The following AFF2 variants were observed in gnomAD, a reference collection of about 807,000 sequenced individuals.
AFF2 encodes ALF transcription elongation factor 2.
Under a neutral mutation model 76.9 loss-of-function variants are expected in AFF2, and 14 were observed. The ratio of observed to expected loss-of-function variants is 0.18; its 90% CI spans 0.12 to 0.28. The LOEUF (loss-of-function observed/expected upper bound fraction) is 0.28, where lower values mean the gene tolerates loss of function less well. AFF2 is among the 10% of genes least tolerant of loss of function. The probability of loss-of-function intolerance (pLI) is 1.00; values close to 1 mark genes in which losing one functional copy is unlikely to be tolerated. For missense variants in AFF2, 868 were observed against 1,001.1 expected (o/e 0.87, Z 1.79); for synonymous variants, 398 against 366.7 (o/e 1.09, Z -0.98).
chrX:148,663,062 C>G (rs1557258061), intron 3 of AFF2, among the ~76,000 whole-genome samples: 1 of 112,121 alleles, frequency 8.9e-6, no homozygotes, highest in African/African-American at 3.2e-5. Context: ...TGTGGTAATA[C>G]TATGTATAAA....
chrX:148,908,160 C>T (rs1557281648), intron 9 of AFF2, among the ~76,000 whole-genome samples: 1 of 111,302 alleles, frequency 9.0e-6, no homozygotes, highest in African/African-American at 3.3e-5. Context: ...TTCAAACACA[C>T]ATGCTCTACA....
chrX:148,961,727 A>G (rs782660959), intron 12 of AFF2, among the ~76,000 whole-genome samples: 1 of 112,823 alleles, frequency 8.9e-6, no homozygotes, highest in South Asian at 3.7e-4. Context: ...ACTGACTGAA[A>G]TTGACCAAGA....
intron 1 of AFF2, among the ~76,000 whole-genome samples, chrX:148,511,694 A>T (rs1295530806): frequency 8.9e-6 from 1 of 112,870 alleles, no homozygotes; most frequent in East Asian, 2.8e-4. Context: ...GACAAGAAAG[A>T]TGAGAATCAG....
intron 1 of AFF2, among the ~76,000 whole-genome samples, chrX:148,615,617 C>T (rs1487326830): frequency 9.0e-6 from 1 of 111,444 alleles, no homozygotes; most frequent in African/African-American, 3.3e-5. Flanking sequence ...TTGGCTTTGC[C>T]GCCTGTGAAT....
chrX:148,755,027 T>A (rs1225086868), intron 3 of AFF2, among the ~76,000 whole-genome samples: 2 of 111,890 alleles, frequency 1.8e-5, no homozygotes, highest in African/African-American at 6.5e-5. Flanking sequence ...TCATGTTGAT[T>A]GTAGTGGTGA....
intron 3 of AFF2, among the ~76,000 whole-genome samples, chrX:148,669,780 T>G (rs1245136878): frequency 9.0e-6 from 1 of 111,427 alleles, no homozygotes; most frequent in African/African-American, 3.3e-5. Flanking sequence ...CCAGTTTATT[T>G]TTTTGTGCAT....
intron 12 of AFF2, among the ~76,000 whole-genome samples, chrX:148,962,267 C>G (rs782450654): frequency 1.8e-5 from 2 of 112,562 alleles, no homozygotes; most frequent in South Asian, 7.4e-4. Flanking sequence ...TATTCTTCCA[C>G]TGATTCTTTA....
intron 3 of AFF2, among the ~76,000 whole-genome samples, chrX:148,676,724 A>T (rs2054490489): frequency 8.9e-6 from 1 of 111,808 alleles, no homozygotes; most frequent in Non-Finnish European, 1.9e-5. Context: ...AAGAAGTGGA[A>T]ATATAAGCTT....
intron 19 of AFF2, among the ~76,000 whole-genome samples, chrX:148,981,708 A>G (rs1417028679): frequency 8.9e-6 from 1 of 112,099 alleles, no homozygotes; most frequent in Non-Finnish European, 1.9e-5. Flanking sequence ...TATAACTCCA[A>G]GCTGCTTTTT....
At chrX:148,975,017 C>G (rs1416767199) in intron 16 of AFF2, among the ~76,000 whole-genome samples, 1 of 112,026 alleles carries the variant, frequency 8.9e-6, no homozygotes, top group Non-Finnish European at 1.9e-5. Context: ...CAAATTAAAA[C>G]AAGGCACTTT....
intron 3 of AFF2, among the ~76,000 whole-genome samples, chrX:148,678,084 T>C (rs2054505317): frequency 8.9e-6 from 1 of 112,464 alleles, no homozygotes; most frequent in Non-Finnish European, 1.9e-5. Context: ...ACTTTACTTA[T>C]GCAGTCAGTC....
At chrX:148,888,623 A>G (rs1473108833) in intron 8 of AFF2, among the ~76,000 whole-genome samples, 1 of 111,953 alleles carries the variant, frequency 8.9e-6, no homozygotes, top group East Asian at 2.8e-4. Context: ...CCATGCATAT[A>G]ACATAGTACT....
intron 7 of AFF2, among the ~76,000 whole-genome samples, chrX:148,858,093 G>A (rs1557276073): frequency 1.8e-5 from 2 of 111,277 alleles, no homozygotes; most frequent in East Asian, 2.8e-4. Context: ...TAACGTAAAT[G>A]GGATACATGA....
intron 9 of AFF2, among the ~76,000 whole-genome samples, chrX:148,929,503 C>T (rs781879324): frequency 8.9e-6 from 1 of 112,165 alleles, no homozygotes; most frequent in Admixed American, 9.4e-5. Flanking sequence ...TATTTTTGTG[C>T]CACTTGTGCA....
At chrX:148,784,919 T>TCTCTCGGAGACA (rs2069795829) in intron 3 of AFF2, among the ~76,000 whole-genome samples, 1 of 111,382 alleles carries the variant, frequency 9.0e-6, no homozygotes, top group Admixed American at 9.5e-5. Context: ...CATAAGTGGG[T>TCTCTCGGAGACA]GACACAAACA....
chrX:148,962,434 C>G (rs1298692777), intron 12 of AFF2, among the ~76,000 whole-genome samples: 2 of 111,961 alleles, frequency 1.8e-5, no homozygotes, highest in African/African-American at 6.5e-5. Flanking sequence ...CTGTAGCACA[C>G]TCCATTAGGC....
Position 148,662,233 on chromosome X carries a change from T to C in AFF2, c.506T>C (p.Val169Ala). 8.3e-7 allele frequency: 1 copy of C among 1,211,402 alleles called. No individual in the cohort carries two copies. The highest frequency in any genetic ancestry group is 1.1e-6 in the Non-Finnish European group (1 of 895,184). Residue 169 changes from valine (V) to alanine (A), a missense_variant, in exon 3 of 21, where the codon GTA (valine) becomes GCA (alanine). Physicochemically the swap from Val to Ala is moderately conservative, Grantham distance 64. Around this residue, in one of 6 missense-constraint regions of AFF2, gnomAD observed 196 missense variants for 194.8 expected, o/e 1.01. Transcript: ENST00000370460. ...WSRDSHNPST[V>A]LASQASGQPN... ...CGTGATAGTCATAACCCTAGCACTGTACTGGCAAGCCAGGCCAGTGGTCAG... is the reference window on the plus strand; with the variant it reads ...CGTGATAGTCATAACCCTAGCACTGCACTGGCAAGCCAGGCCAGTGGTCAG...
chrX:148,924,362 G>T (rs782573038), intron 9 of AFF2, among the ~76,000 whole-genome samples: 1 of 111,974 alleles, frequency 8.9e-6, no homozygotes, highest in East Asian at 2.8e-4. Context: ...GTGTGGGGGT[G>T]TTTGTATACA....
At chrX:148,919,154 G>A (rs113048265) in intron 9 of AFF2, among the ~76,000 whole-genome samples, 5,314 of 111,509 alleles carry the variant, frequency 0.048, 304 homozygotes, top group African/African-American at 0.16. Context: ...CTGAGAGAGG[G>A]AAAGTAAAAC....
Sources: allele counts gnomAD v4.1 joint callset (sites outside exome capture counted in the v4.1 genomes callset), GRCh38; gene constraint gnomAD v4.1.1; regional missense constraint gnomAD v4.1.1; transcripts MANE v1.5; gene names NCBI Gene and HGNC (gene_info 2026-07-23, HGNC 2026-07-21).